ZNF76: variants seen among roughly 807,000 people sequenced by gnomAD.
The protein encoded by ZNF76 is zinc finger protein 523.
A neutral mutation model predicts 66.9 loss-of-function variants in ZNF76; 66 were observed. That is an observed-to-expected ratio of 0.99 (90% CI 0.81 to 1.21). ZNF76 has a LOEUF of 1.21. Ranked by LOEUF, ZNF76 falls within the 50% of genes most tolerant of loss-of-function variation. ZNF76 has a pLI of 0.00. For synonymous variants in ZNF76, 275 were observed against 296.1 expected, an observed-to-expected ratio of 0.93 and a Z score of 0.73; for missense variants, 729 against 760.3, an observed-to-expected ratio of 0.96 and a Z score of 0.48.
In ZNF76 at chr6:35,292,552, A is replaced by AG; in HGVS notation, c.934dup. On this transcript the variant is annotated splice_acceptor_variant, in intron 9 of 13. Coordinates refer to ENST00000373953, the MANE Select transcript of ZNF76 (RefSeq NM_003427.5). LOFTEE classifies it high-confidence loss of function. The surrounding 1 kb of genome is among the most constrained non-coding windows in gnomAD (Gnocchi z 4.7). ...ACCCCCCTCACAGCCCAGTGTCCCC[A>AG]GGGGAGAAGCCATACGTTTGCACGG... 6.3e-7 allele frequency: 1 copy of AG among 1,585,668 alleles called. No homozygotes were observed. Among genetic ancestry groups the AG allele is most frequent in the South Asian group, 1.1e-5 (1 of 90,308 alleles).
intron 2 of ZNF76, among the ~76,000 whole-genome samples, chr6:35,284,911 A>G (rs778724233): frequency 3.9e-4 from 60 of 152,108 alleles, no homozygotes; most frequent in Non-Finnish European, 7.9e-4. Context: ...GGGTTTTGTC[A>G]CATAGCTCAG....
intron 1 of ZNF76, among the ~76,000 whole-genome samples, chr6:35,265,094 T>C (rs755404067): frequency 9.9e-5 from 15 of 152,170 alleles, no homozygotes; most frequent in Non-Finnish European, 1.9e-4. Flanking sequence ...GGTACTTTTC[T>C]AGGTACTGGG....
chr6:35,293,169 C>A, intron 11 of ZNF76, 125 bp downstream of exon 11: 1 of 1,180,130 alleles, frequency 8.5e-7, no homozygotes, highest in Non-Finnish European at 1.2e-6. Flanking sequence ...GTTTTATAGA[C>A]TTCAGAGGCT....
chr6:35,277,849 T>G (rs1225933720), intron 1 of ZNF76, among the ~76,000 whole-genome samples: 3 of 152,076 alleles, frequency 2.0e-5, no homozygotes, highest in South Asian at 2.1e-4. Flanking sequence ...GTCTATAGGT[T>G]TTTTTGGGTT....
At chr6:35,282,228 A>C (rs1006550153) in intron 2 of ZNF76, among the ~76,000 whole-genome samples, 7 of 152,044 alleles carry the variant, frequency 4.6e-5, no homozygotes, top group Admixed American at 6.6e-5. Context: ...AGTCTCAGCT[A>C]CTTGGGAGGT....
At chr6:35,260,478 C>T (rs1785075487) in intron 1 of ZNF76, among the ~76,000 whole-genome samples, 1 of 152,174 alleles carries the variant, frequency 6.6e-6, no homozygotes, top group African/African-American at 2.4e-5. Context: ...CCTAAAATCA[C>T]CCCCACTGGC....
At chr6:35,263,692 A>G (rs1785571374) in intron 1 of ZNF76, among the ~76,000 whole-genome samples, 1 of 152,112 alleles carries the variant, frequency 6.6e-6, no homozygotes, top group African/African-American at 2.4e-5. Context: ...TATTTGAGTT[A>G]TTTGTGTACT....
Position 35,281,301 on chromosome 6 carries a change from C to A in ZNF76, c.73+77C>A, listed in dbSNP as rs1365879850. On this transcript the variant is annotated intron_variant, in intron 2 of 13. Transcript: ENST00000373953. ...AAGGAGTGTCCATTTCTAAGAGTCC[C>A]ACCATCACCTTGCCCTCCCGCCTGC... The A allele has an allele frequency of 1.1e-5, 16 of 1,411,728 alleles. 1 individual carries two copies. The South Asian group carries it at 1.7e-4, about 15-fold the overall frequency. 87.5% of individuals were successfully genotyped at this position (1,411,728 alleles called of 1,614,324 possible).
intron 7 of ZNF76, 73 bp from the exon 8 acceptor site, chr6:35,291,205 G>A: frequency 6.5e-7 from 1 of 1,541,786 alleles, no homozygotes; most frequent in South Asian, 1.2e-5. Flanking sequence ...GAGAGCCTGT[G>A]CATGAGGTGG....
rs924520764 is a variant in ZNF76 at position 35,280,337 on chromosome 6, G to A, written c.-96-719G>A. 2.6e-5 allele frequency among the ~76,000 whole-genome samples: 4 copies of A among 152,150 alleles called. No individual in the cohort carries two copies. In the East Asian group the frequency reaches 7.7e-4, roughly 29 times the overall value. ...GATGGAGCCACTGCACTCCAGCTGG[G>A]CGACAGAGTGATACTTTGTCTCTAA... is the stretch of plus-strand genomic sequence containing the variant. On this transcript the variant is annotated intron_variant, in intron 1 of 13. Coordinates refer to ENST00000373953, the MANE Select transcript of ZNF76 (RefSeq NM_003427.5).
At chr6:35,282,421 ATT>A (rs1643510062) in intron 2 of ZNF76, among the ~76,000 whole-genome samples, 2 of 152,142 alleles carry the variant, frequency 1.3e-5, no homozygotes, top group South Asian at 4.2e-4. Flanking sequence ...GGCATCCTGT[ATT>A]TTATCTGGCA....
chr6:35,295,445 A>G lies in ZNF76; in HGVS notation c.*197A>G, dbSNP rs1791058929. 2 of 624,072 alleles carry G rather than the reference A, an allele frequency of 3.2e-6. No individual in the cohort carries two copies. Among genetic ancestry groups the G allele is most frequent in the Non-Finnish European group, 2.9e-6 (1 of 339,674 alleles). 38.7% of individuals were successfully genotyped at this position (624,072 alleles called of 1,614,324 possible). A position where few individuals can be genotyped will look rare whatever the true frequency, so the allele number is the denominator to read the frequency against. ...AGAAGGGGGCCAGGCAGCTGGAATC[A>G]GGGGAGTGCATCATCCTCGGGAGCT... On this transcript the variant is annotated 3_prime_UTR_variant, in exon 14 of 14. Transcript: ENST00000373953.
At chr6:35,280,922 C>T in intron 1 of ZNF76, 134 bp from the exon 2 acceptor site, 2 of 539,220 alleles carry the variant, frequency 3.7e-6, no homozygotes, top group South Asian at 2.4e-5. Flanking sequence ...TCATAAAAAC[C>T]AATATAGTTC....
In ZNF76 at chr6:35,293,056, G is replaced by A; in HGVS notation, c.1329+12G>A. The stretch of plus-strand genomic sequence containing the variant: ...ATGGTGCCCAGCAGGTACAGGCCCT[G>A]GAGGGCAGAGGTGCCATACTAGCTG... On this transcript the variant is annotated intron_variant, in intron 11 of 13. Transcript: ENST00000373953. 3.7e-6 allele frequency: 6 copies of A among 1,612,844 alleles called. No homozygotes were observed. The African/African-American group carries it at 6.7e-5, about 18-fold the overall frequency.
At chr6:35,274,609 C>A (rs1486415943) in intron 1 of ZNF76, among the ~76,000 whole-genome samples, 1 of 152,172 alleles carries the variant, frequency 6.6e-6, no homozygotes, top group African/African-American at 2.4e-5. Context: ...CCTATAGTCC[C>A]AGCCACTCAG....
At chr6:35,266,854 G>A (rs1400249236) in intron 1 of ZNF76, among the ~76,000 whole-genome samples, 3 of 133,984 alleles carry the variant, frequency 2.2e-5, no homozygotes, top group Admixed American at 8.3e-5. Flanking sequence ...AGGCTGAAGT[G>A]CAGTGGCGCC....
intron 1 of ZNF76, among the ~76,000 whole-genome samples, chr6:35,267,925 T>C (rs1407789341): frequency 6.6e-6 from 1 of 152,226 alleles, no homozygotes; most frequent in Non-Finnish European, 1.5e-5. Flanking sequence ...CTCCATTCTT[T>C]CGTTCAACAT....
chr6:35,276,193 G>A (rs1332446325), intron 1 of ZNF76, among the ~76,000 whole-genome samples: 1 of 152,166 alleles, frequency 6.6e-6, no homozygotes, highest in African/African-American at 2.4e-5. Context: ...ACATTTATAT[G>A]TGATAAAAAT....
chr6:35,277,167 A>G (rs554710527), intron 1 of ZNF76, among the ~76,000 whole-genome samples: 24 of 152,246 alleles, frequency 1.6e-4, no homozygotes, highest in Non-Finnish European at 2.4e-4. Context: ...AAAGCGGGTT[A>G]CCCAAAGAAT....
Sources: allele counts gnomAD v4.1 joint callset (sites outside exome capture counted in the v4.1 genomes callset), GRCh38; gene constraint gnomAD v4.1.1; non-coding constraint Gnocchi (gnomAD v3.1); transcripts MANE v1.5; gene names NCBI Gene and HGNC (gene_info 2026-07-23, HGNC 2026-07-21).